Variants in CSMD1 observed in about 807,000 individuals in gnomAD.
The protein encoded by CSMD1 is CUB and Sushi multiple domains 1.
A neutral mutation model predicts 417.5 loss-of-function variants in CSMD1; 213 were observed. The observed-to-expected ratio is 0.51, with a 90% CI of 0.46 to 0.57. CSMD1 has a LOEUF of 0.57. CSMD1 is among the 20% of genes least tolerant of loss of function. CSMD1 has a pLI of 0.00. For synonymous variants in CSMD1, 2,862 were observed against 1,736.8 expected (o/e 1.65, Z -16.11); for missense variants, 6,923 against 4,529.7 (o/e 1.53, Z -15.17).
chr8:3,390,946 T>G (rs4495450), intron 17 of CSMD1, among the ~76,000 whole-genome samples: 1 of 151,874 alleles, frequency 6.6e-6, no homozygotes, highest in South Asian at 2.1e-4. Context: ...ATAAAGCCAG[T>G]GAGCCAAGAA....
At chr8:4,645,138 T>A (rs1056848976) in intron 1 of CSMD1, among the ~76,000 whole-genome samples, 1 of 152,150 alleles carries the variant, frequency 6.6e-6, no homozygotes, top group Non-Finnish European at 1.5e-5. Flanking sequence ...CTCCCTGCTT[T>A]ATGGGAAGCT....
intron 3 of CSMD1, among the ~76,000 whole-genome samples, chr8:4,391,925 C>T (rs1002122981): frequency 6.6e-6 from 1 of 152,166 alleles, no homozygotes; most frequent in African/African-American, 2.4e-5. Context: ...CCCTGAGGCT[C>T]CCATGAAGAA....
chr8:4,005,135 G>T (rs1436642635), intron 4 of CSMD1, among the ~76,000 whole-genome samples: 3 of 152,120 alleles, frequency 2.0e-5, no homozygotes, highest in African/African-American at 4.8e-5. Flanking sequence ...GGAGATTTGG[G>T]GGGAAGAGTG....
intron 51 of CSMD1, 134 bp from the exon 52 acceptor site, chr8:3,018,784 T>A: frequency 1.3e-6 from 1 of 763,954 alleles, no homozygotes; most frequent in East Asian, 2.7e-5. Flanking sequence ...AGAACATGGT[T>A]GAGAGTGTCT....
At chr8:3,018,751 AT>A in intron 51 of CSMD1, 101 bp from the exon 52 acceptor site, 1 of 1,096,582 alleles carries the variant, frequency 9.1e-7, no homozygotes, top group Non-Finnish European at 1.3e-6. Flanking sequence ...CCAAAAAACT[AT>A]TTTTAGTCTT....
intron 39 of CSMD1, among the ~76,000 whole-genome samples, chr8:3,154,411 G>C (rs537355070): frequency 1.1e-4 from 16 of 152,282 alleles, no homozygotes; most frequent in South Asian, 8.3e-4. Context: ...CTTTCTTATA[G>C]GTAAATAGCA....
intron 2 of CSMD1, among the ~76,000 whole-genome samples, chr8:4,594,516 T>C (rs1800156462): frequency 6.6e-6 from 1 of 152,106 alleles, no homozygotes; most frequent in South Asian, 2.1e-4. Flanking sequence ...GATCTGTTTC[T>C]AAATAAGGTC....
At chr8:4,903,171 T>G (rs1477983910) in intron 1 of CSMD1, among the ~76,000 whole-genome samples, 3 of 152,176 alleles carry the variant, frequency 2.0e-5, no homozygotes, top group Non-Finnish European at 2.9e-5. Flanking sequence ...TAATGCAATC[T>G]TCCCACAGGA....
In CSMD1 at chr8:3,374,543, C is replaced by G. The variant is rs79266656; in HGVS notation, c.2783-5173G>C. ...GTTGCTCTCTAAACTCAAAGGAGGT[C>G]TAGATGATTAGACTATGACGGACAT... On this transcript the variant is annotated intron_variant, in intron 18 of 69. Coordinates refer to ENST00000635120, the MANE Select transcript of CSMD1 (RefSeq NM_033225.6). Among the ~76,000 whole-genome samples, 706 of 152,226 alleles carry G rather than the reference C, an allele frequency of 4.6e-3. 6 individuals carry two copies. The highest frequency in any genetic ancestry group is 0.016 in the African/African-American group (665 of 41,512).
At chr8:3,940,241 C>T (rs1353212467) in intron 5 of CSMD1, among the ~76,000 whole-genome samples, 1 of 151,818 alleles carries the variant, frequency 6.6e-6, no homozygotes, top group Non-Finnish European at 1.5e-5. Context: ...TTAATTTTGC[C>T]TACAGAAGAA....
chr8:3,773,988 T>A (rs2720765), intron 5 of CSMD1, among the ~76,000 whole-genome samples: 1 of 152,204 alleles, frequency 6.6e-6, no homozygotes, highest in African/African-American at 2.4e-5. Context: ...ATCTATTTGC[T>A]CTTAATTCTT....
At chr8:4,394,662 T>C (rs1804080715) in intron 3 of CSMD1, among the ~76,000 whole-genome samples, 1 of 151,996 alleles carries the variant, frequency 6.6e-6, no homozygotes, top group Admixed American at 6.6e-5. Context: ...ATTTCTCCTT[T>C]CTTTCCCTAT....
intron 5 of CSMD1, among the ~76,000 whole-genome samples, chr8:3,856,236 C>G (rs1160996728): frequency 6.6e-6 from 1 of 152,030 alleles, no homozygotes; most frequent in African/African-American, 2.4e-5. Context: ...TGTGTAGCAC[C>G]TGCTCTCTCT....
chr8:4,407,981 C>A (rs975311140), intron 3 of CSMD1, among the ~76,000 whole-genome samples: 3 of 152,148 alleles, frequency 2.0e-5, no homozygotes, highest in Non-Finnish European at 4.4e-5. Flanking sequence ...CGGCAAAAAT[C>A]ACAGGAGAAA....
At chr8:3,175,437 C>T (rs1372223898) in intron 37 of CSMD1, among the ~76,000 whole-genome samples, 1 of 148,554 alleles carries the variant, frequency 6.7e-6, no homozygotes, top group Non-Finnish European at 1.5e-5. Context: ...TTCATCCCTC[C>T]CTTCCCTCCC....
At chr8:4,057,673 C>T (rs184931624) in intron 3 of CSMD1, among the ~76,000 whole-genome samples, 147 of 151,490 alleles carry the variant, frequency 9.7e-4, no homozygotes, top group African/African-American at 3.2e-3. Flanking sequence ...TTAGGTGTAA[C>T]GTTTAAGTCT....
chr8:3,742,606 G>C (rs112222768), intron 6 of CSMD1, among the ~76,000 whole-genome samples: 1 of 152,042 alleles, frequency 6.6e-6, no homozygotes, highest in Non-Finnish European at 1.5e-5. Context: ...CTTCACCCTA[G>C]GACGTGCCCA....
At chr8:4,411,432 G>C (rs1796644884) in intron 3 of CSMD1, among the ~76,000 whole-genome samples, 1 of 151,666 alleles carries the variant, frequency 6.6e-6, no homozygotes, top group African/African-American at 2.4e-5. Flanking sequence ...CACAGCAAAG[G>C]ACTTTTAATT....
chr8:3,111,178 T>C lies in CSMD1; in HGVS notation c.6431-843A>G, dbSNP rs537962703. Among the ~76,000 whole-genome samples the C allele has an allele frequency of 3.3e-5, 5 of 152,248 alleles. No homozygotes were observed. In the East Asian group the frequency reaches 9.7e-4, roughly 29 times the overall value. On this transcript the variant is annotated intron_variant, in intron 42 of 69. Transcript: ENST00000635120. ...AAGATTTGCCACAAATGGTATAGAA[T>C]TCAGGTAGAGGAAAAAGGCCCAAAT...
Sources: allele counts gnomAD v4.1 joint callset (sites outside exome capture counted in the v4.1 genomes callset), GRCh38; gene constraint gnomAD v4.1.1; transcripts MANE v1.5; gene names NCBI Gene and HGNC (gene_info 2026-07-23, HGNC 2026-07-21).